NOP14: variants seen among roughly 807,000 people sequenced by gnomAD.
The protein encoded by NOP14 is nucleolar protein 14.
A neutral mutation model predicts 101.6 loss-of-function variants in NOP14; 57 were observed. That is an observed-to-expected ratio of 0.56 (90% confidence interval 0.45 to 0.70). The LOEUF (loss-of-function observed/expected upper bound fraction) is 0.70, where lower values mean the gene tolerates loss of function less well. Ranked by LOEUF, NOP14 falls within the 30% of genes least tolerant of loss-of-function variation. The probability of loss-of-function intolerance (pLI) is 0.00; values close to 1 mark genes in which losing one functional copy is unlikely to be tolerated. For synonymous variants in NOP14, 428 were observed against 424.0 expected (o/e 1.01, Z -0.12); for missense variants, 1,134 against 1,075.5 (o/e 1.05, Z -0.76).
rs997658844 is a variant in NOP14, at chr4:2,944,982, A to G, written c.1737+146T>C. On this transcript the variant is annotated intron_variant, in intron 12 of 17. Coordinates refer to ENST00000416614, the MANE Select transcript of NOP14 (RefSeq NM_001291978.2). The stretch of plus-strand genomic sequence containing the variant: ...GCTGCTCGAGCCGGGGCTCTTTTAG[A>G]TGGGCCCTCTTTGGCCTAACCGCAG... 1.0e-5 allele frequency: 6 copies of G among 587,254 alleles called. No individual in the cohort carries two copies. The African/African-American group carries it at 1.1e-4, about 11-fold the overall frequency. 36.4% of individuals were successfully genotyped at this position (587,254 alleles called of 1,614,324 possible).
Position 2,941,643 on chromosome 4 carries a change from C to T in NOP14, c.2138G>A (p.Gly713Glu), listed in dbSNP as rs1375934302. Residue 713 changes from glycine (G) to glutamate (E), a missense_variant, in exon 15 of 18, where the codon GGG (glycine) becomes GAG (glutamate). Physicochemically the swap from Gly to Glu is moderately conservative, Grantham distance 98. Coordinates refer to ENST00000416614, the MANE Select transcript of NOP14 (RefSeq NM_001291978.2). ...ATCCGTGAGGAGGGCTTGGAGAGGC[C>T]CCATGATGGCGTGGAAGGATGGCAG... The part of the protein sequence containing the change: ...GSLPSFHAIM[G>E]PLQALLTDHL... 6.2e-7 allele frequency: 1 copy of T among 1,613,462 alleles called. No individual in the cohort carries two copies. The highest frequency in any genetic ancestry group is 8.5e-7 in the Non-Finnish European group (1 of 1,179,928).
intron 1 of NOP14, among the ~76,000 whole-genome samples, chr4:2,958,895 T>C (rs1715520745): frequency 6.6e-6 from 1 of 151,248 alleles, no homozygotes; most frequent in Admixed American, 6.6e-5. Context: ...GAAAAGAGAG[T>C]GGAAGGGGTT....
rs546407905 is a variant in NOP14, at chr4:2,959,445, T to G, written c.196-1705A>C. Among the ~76,000 whole-genome samples the G allele has an allele frequency of 1.2e-4, 18 of 151,672 alleles. No homozygotes were observed. The East Asian group carries it at 2.7e-3, about 23-fold the overall frequency. On this transcript the variant is annotated intron_variant, in intron 1 of 17. Coordinates refer to ENST00000416614, the MANE Select transcript of NOP14 (RefSeq NM_001291978.2). The stretch of plus-strand genomic sequence containing the variant: ...GTCTCTACTAAAAATACAAAAAAAT[T>G]AGCCGGGTGTGGTGGCGGGCGCCTG...
Position 2,950,220 on chromosome 4 carries a change from A to G in NOP14, c.1003-7T>C. 1.9e-6 allele frequency: 3 copies of G among 1,612,714 alleles called. No homozygotes were observed. The highest frequency in any genetic ancestry group is 2.5e-6 in the Non-Finnish European group (3 of 1,179,918). On this transcript the variant is annotated splice_polypyrimidine_tract_variant and splice_region_variant and intron_variant, in intron 7 of 17. Transcript: ENST00000416614. Reference sequence around the variant, plus strand: ...CGACATTCATCTTTCCATCCTACCAAGAGCGTGGAAACCACAGGGCATGAG... The same window carrying G: ...CGACATTCATCTTTCCATCCTACCAGGAGCGTGGAAACCACAGGGCATGAG...
At chr4:2,961,157 ATAT>A (rs1361319840) in intron 1 of NOP14, among the ~76,000 whole-genome samples, 2 of 7,094 alleles carry the variant, frequency 2.8e-4, no homozygotes, top group African/African-American at 1.4e-3. Flanking sequence ...ATATAATAAT[ATAT>A]TAATATGCTA....
intron 7 of NOP14, chr4:2,950,886 GAGTGAGAA>G (rs896764855): frequency 7.6e-6 from 2 of 263,820 alleles, no homozygotes; most frequent in East Asian, 9.2e-5. Context: ...CAGAGAGAGA[GAGTGAGAA>G]AGAGAGCGTG....
chr4:2,940,117 GC>G (rs1434489695), intron 15 of NOP14, among the ~76,000 whole-genome samples: 1 of 152,260 alleles, frequency 6.6e-6, no homozygotes, highest in Admixed American at 6.5e-5. Context: ...GACGCTGGGT[GC>G]TAGGCGGGGC....
rs369187544 is a variant in NOP14 at position 2,938,504 on chromosome 4, C to A, written c.*327G>T. 6 of 301,240 alleles carry A rather than the reference C, an allele frequency of 2.0e-5. No homozygotes were observed. The highest frequency in any genetic ancestry group is 3.2e-5 in the Non-Finnish European group (5 of 155,088). 18.7% of individuals were successfully genotyped at this position (301,240 alleles called of 1,614,324 possible). ...GGGCAACAAGAGCAAAACTCCGTCT[C>A]AAAAAAAAAAATTTTTTTTTAAGCG... is the stretch of plus-strand genomic sequence containing the variant. On this transcript the variant is annotated 3_prime_UTR_variant, in exon 18 of 18. Coordinates refer to ENST00000416614, the MANE Select transcript of NOP14 (RefSeq NM_001291978.2).
chr4:2,950,185 A>C lies in NOP14; in HGVS notation c.1031T>G (p.Val344Gly), dbSNP rs143653586. 436 of 1,613,762 alleles carry C rather than the reference A, an allele frequency of 2.7e-4. No homozygotes were observed. Among genetic ancestry groups the C allele is most frequent in the Non-Finnish European group, 3.3e-4 (388 of 1,180,018 alleles). Residue 344 changes from valine to glycine, a missense_variant, in exon 8 of 18, where the codon GTC becomes GGC. By Grantham distance (109) the Val-to-Gly change is moderately radical. Coordinates refer to ENST00000416614, the MANE Select transcript of NOP14 (RefSeq NM_001291978.2). ...KDGKMNVEED[V>G]QEEQSKEASD... ...GGCTTCCTTGCTTTGCTCTTCCTGG[A>C]CATCTTCCTCGACATTCATCTTTCC...
chr4:2,945,332 A>T (rs1714544262), intron 11 of NOP14, 103 bp from the exon 12 acceptor site: 7 of 859,994 alleles, frequency 8.1e-6, no homozygotes, highest in Non-Finnish European at 1.1e-5. Flanking sequence ...TGGCGAGGAG[A>T]GGGTGCATCT....
intron 1 of NOP14, among the ~76,000 whole-genome samples, chr4:2,962,205 G>T (rs1475797045): frequency 6.6e-6 from 1 of 152,186 alleles, no homozygotes; most frequent in Non-Finnish European, 1.5e-5. Context: ...CTCTACTTTT[G>T]AAATGAGAAA....
At position 2,957,708 on chromosome 4, in the gene NOP14, T is replaced by A; in HGVS notation, c.228A>T (p.Glu76Asp). Residue 76 changes from glutamate (E) to aspartate (D), a missense_variant, in exon 2 of 18, where the codon GAA (glutamate) becomes GAT (aspartate). Coordinates refer to ENST00000416614, the MANE Select transcript of NOP14 (RefSeq NM_001291978.2). Reference protein sequence around the residue: ...RTQTLLKEYKERDKSNVFRDK... With the variant: ...RTQTLLKEYKDRDKSNVFRDK... ...CTCTGAATACATTGGATTTATCCCT[T>A]TCTTTGTACTCTTTTAGTAAAGTCT... The A allele has an allele frequency of 6.2e-7, 1 of 1,614,210 alleles. No individual in the cohort carries two copies. Among genetic ancestry groups the A allele is most frequent in the Non-Finnish European group, 8.5e-7 (1 of 1,180,028 alleles).
At position 2,956,766 on chromosome 4, in the gene NOP14, C is replaced by T. The variant is rs777356082; in HGVS notation, c.376G>A (p.Glu126Lys). ...KSIYNLNEDE[E>K]LTHYGQSLAD... ...AAAGACTGGCCATAATGAGTCAATTCTTCATCTTCATTTAGATTGTAGATG... is the reference window on the plus strand; with the variant it reads ...AAAGACTGGCCATAATGAGTCAATTTTTCATCTTCATTTAGATTGTAGATG... Residue 126 changes from glutamate to lysine, a missense_variant, in exon 3 of 18, where the codon GAA becomes AAA. Physicochemically the swap from Glu to Lys is moderately conservative, Grantham distance 56 (BLOSUM62 1). Transcript: ENST00000416614. The T allele has an allele frequency of 1.9e-5, 30 of 1,612,614 alleles. No homozygotes were observed. The highest frequency in any genetic ancestry group is 3.3e-4 in the Middle Eastern group (2 of 6,056).
Position 2,938,132 on chromosome 4 carries a change from T to A in NOP14, c.*699A>T, listed in dbSNP as rs2109284335. ...CAGAGGTGCATTTCAGGATTCATTCTATTTCATCAGGTGACGTTTTAACAG... is the reference window on the plus strand; with the variant it reads ...CAGAGGTGCATTTCAGGATTCATTCAATTTCATCAGGTGACGTTTTAACAG... On this transcript the variant is annotated 3_prime_UTR_variant, in exon 18 of 18. Coordinates refer to ENST00000416614, the MANE Select transcript of NOP14 (RefSeq NM_001291978.2). 1 of 1,180,978 alleles carries A rather than the reference T, an allele frequency of 8.5e-7. No homozygotes were observed. Among genetic ancestry groups the A allele is most frequent in the Admixed American group, 2.5e-5 (1 of 40,058 alleles). 73.2% of individuals were successfully genotyped at this position (1,180,978 alleles called of 1,614,324 possible). A position where few individuals can be genotyped will look rare whatever the true frequency, so the allele number is the denominator to read the frequency against.
At chr4:2,957,861 C>T (rs1715455261) in intron 1 of NOP14, 121 bp from the exon 2 acceptor site, 1 of 982,450 alleles carries the variant, frequency 1.0e-6, no homozygotes, top group Admixed American at 2.8e-5. Context: ...AGTTCACACC[C>T]AATCTGCTTT....
At chr4:2,941,751 G>C in intron 14 of NOP14, 22 bp from the exon 15 acceptor site, 3 of 1,608,078 alleles carry the variant, frequency 1.9e-6, no homozygotes, top group Non-Finnish European at 2.5e-6. Flanking sequence ...GGAGGCAAGA[G>C]GAGGTCCAAC....
intron 14 of NOP14, 80 bp downstream of exon 14, chr4:2,942,112 C>T (rs1714246018): frequency 1.4e-6 from 2 of 1,443,216 alleles, no homozygotes; most frequent in South Asian, 1.3e-5. Flanking sequence ...AAGAACAGCA[C>T]ATCAGAAAGC....
At chr4:2,947,855 A>G (rs1714758687) in intron 9 of NOP14, among the ~76,000 whole-genome samples, 1 of 152,234 alleles carries the variant, frequency 6.6e-6, no homozygotes, top group African/African-American at 2.4e-5. Flanking sequence ...AACAGCTGAC[A>G]ACACACCACT....
chr4:2,942,077 CA>C, intron 14 of NOP14, 114 bp downstream of exon 14: 1 of 1,106,114 alleles, frequency 9.0e-7, no homozygotes, highest in Non-Finnish European at 1.3e-6. Flanking sequence ...TCCATCAAAC[CA>C]AACGGCCGGG....
Sources: gnomAD v4.1 joint callset for allele counts (sites outside exome capture counted in the v4.1 genomes callset) on GRCh38, gnomAD v4.1.1 for gene constraint, MANE v1.5 for transcripts, NCBI Gene and HGNC (gene_info 2026-07-23, HGNC 2026-07-21) for gene names.